PIK3CB: variants seen among roughly 807,000 people sequenced by gnomAD.
The protein encoded by PIK3CB is phosphatidylinositol-4,5-bisphosphate 3-kinase catalytic subunit beta, also known as phosphatidylinositol 4,5-bisphosphate 3-kinase catalytic subunit beta isoform.
Under a neutral mutation model 136.8 loss-of-function variants are expected in PIK3CB, and 39 were observed. That is an observed-to-expected ratio of 0.29 (90% CI 0.22 to 0.37). The LOEUF is 0.37. Ranked by LOEUF, PIK3CB falls within the 10% of genes least tolerant of loss-of-function variation. The pLI, the probability that PIK3CB is intolerant of heterozygous loss-of-function variation, is 1.00. For synonymous variants in PIK3CB, 428 were observed against 436.6 expected (o/e 0.98, Z 0.25); for missense variants, 868 against 1,275.4 (o/e 0.68, Z 4.87).
At chr3:138,732,284 C>T (rs1163400257) in intron 8 of PIK3CB, among the ~76,000 whole-genome samples, 3 of 152,124 alleles carry the variant, frequency 2.0e-5, no homozygotes, top group Non-Finnish European at 2.9e-5. Context: ...AATTATTCAA[C>T]CAAGATAACT....
At chr3:138,780,169 A>C (rs1576409368) in intron 2 of PIK3CB, among the ~76,000 whole-genome samples, 1 of 152,156 alleles carries the variant, frequency 6.6e-6, no homozygotes, top group African/African-American at 2.4e-5. Flanking sequence ...AATGTTGGCC[A>C]GACTGGTCTC....
At chr3:138,677,671 C>T (rs796813733) in intron 19 of PIK3CB, among the ~76,000 whole-genome samples, 11 of 152,094 alleles carry the variant, frequency 7.2e-5, no homozygotes, top group African/African-American at 2.7e-4. Flanking sequence ...CCAAGGCGGG[C>T]GGATCACCTG....
chr3:138,694,827 C>T lies in PIK3CB; in HGVS notation c.1851G>A (p.Gln617=). The part of the protein sequence containing the change: ...LELLDFNYPD[Q]YVREYAVGCL... The stretch of plus-strand genomic sequence containing the variant: ...AGCCTACAGCATATTCTCGAACGTA[C>T]TGGTCTGGATAGTTGAAATCCAGAA... Residue 617 remains glutamine, a synonymous_variant, in exon 14 of 24, where the codon CAG becomes CAA. Coordinates refer to ENST00000674063, the MANE Select transcript of PIK3CB (RefSeq NM_006219.3). The T allele has an allele frequency of 6.2e-7, 1 of 1,613,274 alleles. No homozygotes were observed. Among genetic ancestry groups the T allele is most frequent in the East Asian group, 2.2e-5 (1 of 44,848 alleles).
At chr3:138,698,305 T>C (rs947270823) in intron 13 of PIK3CB, among the ~76,000 whole-genome samples, 4 of 152,214 alleles carry the variant, frequency 2.6e-5, no homozygotes, top group Non-Finnish European at 4.4e-5. Context: ...GGTCTTTCTA[T>C]TGAGCACTGG....
chr3:138,749,611 C>T (rs1174901620), intron 4 of PIK3CB, among the ~76,000 whole-genome samples: 1 of 152,098 alleles, frequency 6.6e-6, no homozygotes, highest in Non-Finnish European at 1.5e-5. Context: ...CCTATCTGTC[C>T]CCCTACACCA....
At chr3:138,698,833 G>A (rs1275134507) in intron 13 of PIK3CB, 74 bp downstream of exon 13, 3 of 869,298 alleles carry the variant, frequency 3.5e-6, no homozygotes, top group Non-Finnish European at 5.2e-6. Context: ...ATACCTATGA[G>A]AAAAGGATAC....
At chr3:138,813,899 G>T (rs1205917394) in intron 1 of PIK3CB, among the ~76,000 whole-genome samples, 1 of 152,092 alleles carries the variant, frequency 6.6e-6, no homozygotes, top group Non-Finnish European at 1.5e-5. Context: ...TACACAAGTG[G>T]GGCCCTTACC....
intron 1 of PIK3CB, among the ~76,000 whole-genome samples, chr3:138,806,583 T>G (rs114984380): frequency 8.1e-4 from 124 of 152,206 alleles, no homozygotes; most frequent in African/African-American, 2.8e-3. Flanking sequence ...GTATGGACAA[T>G]GCTAGAACTG....
intron 18 of PIK3CB, among the ~76,000 whole-genome samples, chr3:138,683,257 G>A (rs2043816490): frequency 6.6e-6 from 1 of 151,800 alleles, no homozygotes; most frequent in Admixed American, 6.6e-5. Context: ...TGGGGGCTGA[G>A]GTAGGATGAT....
Position 138,718,860 on chromosome 3 carries a change from G to A in PIK3CB, c.1051-4141C>T, listed in dbSNP as rs373201349. ...CTGAAGATCAGATGGTCGTAGGTGTGCAGCCTTATTTCTGGGCTCTTTATT... is the reference window on the plus strand; with the variant it reads ...CTGAAGATCAGATGGTCGTAGGTGTACAGCCTTATTTCTGGGCTCTTTATT... On this transcript the variant is annotated intron_variant, in intron 8 of 23. Transcript: ENST00000674063. Among the ~76,000 whole-genome samples, 8 of 152,240 alleles carry A rather than the reference G, an allele frequency of 5.3e-5. No homozygotes were observed. The East Asian group carries it at 1.2e-3, about 22-fold the overall frequency.
chr3:138,833,761 G>T (rs1220987362), intron 1 of PIK3CB, among the ~76,000 whole-genome samples: 1 of 152,186 alleles, frequency 6.6e-6, no homozygotes, highest in Non-Finnish European at 1.5e-5. Flanking sequence ...AAGTGGCAGA[G>T]TTCAAGTGTC....
intron 5 of PIK3CB, among the ~76,000 whole-genome samples, chr3:138,738,175 C>T (rs934336448): frequency 2.0e-5 from 3 of 151,802 alleles, no homozygotes; most frequent in African/African-American, 7.3e-5. Flanking sequence ...ATGAACATCT[C>T]ATCTTTTTTT....
chr3:138,812,133 A>C (rs1161804572), intron 1 of PIK3CB, among the ~76,000 whole-genome samples: 1 of 152,134 alleles, frequency 6.6e-6, no homozygotes, highest in African/African-American at 2.4e-5. Flanking sequence ...TTTCATTTAT[A>C]TAACATTCTC....
At position 138,698,928 on chromosome 3, in the gene PIK3CB, A is replaced by C; in HGVS notation, c.1749T>G (p.Asn583Lys). 1 of 1,599,032 alleles carries C rather than the reference A, an allele frequency of 6.3e-7. No homozygotes were observed. Among genetic ancestry groups the C allele is most frequent in the Non-Finnish European group, 8.5e-7 (1 of 1,169,896 alleles). The change falls in exon 13 of 24, where the codon AAT (asparagine) becomes AAG (lysine). Residue 583 changes from asparagine (N) to lysine (K), a missense_variant. Coordinates refer to ENST00000674063, the MANE Select transcript of PIK3CB (RefSeq NM_006219.3). ...TTACCTGAGCAACATCCTCAAGTTT[A>C]TTCCACTTGATTGACAGCAGTAATT... ...LPKLLLSIKW[N>K]KLEDVAQLQA... is the part of the protein sequence containing the mutation.
intron 2 of PIK3CB, among the ~76,000 whole-genome samples, chr3:138,786,129 G>A (rs974769084): frequency 2.6e-5 from 4 of 152,066 alleles, no homozygotes; most frequent in African/African-American, 9.7e-5. Flanking sequence ...AAATCAGGCT[G>A]GAGCTTCCTC....
intron 19 of PIK3CB, among the ~76,000 whole-genome samples, chr3:138,677,806 A>G (rs940825683): frequency 7.9e-5 from 12 of 152,004 alleles, no homozygotes; most frequent in Admixed American, 6.6e-5. Flanking sequence ...GAGGCAGGAG[A>G]ATCACTTGAA....
chr3:138,707,694 T>C (rs2044407991), intron 10 of PIK3CB: 1 of 253,204 alleles, frequency 3.9e-6, no homozygotes, highest in Non-Finnish European at 6.3e-6. Context: ...ACCAAATTGG[T>C]ATTTTAAGTC....
intron 11 of PIK3CB, among the ~76,000 whole-genome samples, chr3:138,706,344 C>T (rs2044377755): frequency 6.6e-6 from 1 of 152,200 alleles, no homozygotes; most frequent in South Asian, 2.1e-4. Flanking sequence ...ATTAGATAAT[C>T]TCTTTATCCC....
intron 8 of PIK3CB, among the ~76,000 whole-genome samples, chr3:138,719,408 G>A (rs531629376): frequency 6.6e-6 from 1 of 151,860 alleles, no homozygotes; most frequent in East Asian, 1.9e-4. Flanking sequence ...ACCATGCCTG[G>A]CTAATTTTTG....
Sources: allele counts gnomAD v4.1 joint callset (sites outside exome capture counted in the v4.1 genomes callset), GRCh38; gene constraint gnomAD v4.1.1; transcripts MANE v1.5; gene names NCBI Gene and HGNC (gene_info 2026-07-23, HGNC 2026-07-21).